FCRL3: variants seen among roughly 807,000 people sequenced by gnomAD.
FCRL3 encodes Fc receptor-like protein 3.
A neutral mutation model predicts 75.0 loss-of-function variants in FCRL3; 89 were observed. The ratio of observed to expected loss-of-function variants is 1.19; its 90% confidence interval spans 1.00 to 1.42. The LOEUF (loss-of-function observed/expected upper bound fraction) is 1.42, where lower values mean the gene tolerates loss of function less well. Among genes scored for constraint, FCRL3 ranks in the 40% most tolerant of loss-of-function variants. FCRL3 has a pLI of 0.00. For missense variants in FCRL3, 946 were observed against 880.0 expected (o/e 1.07, Z -0.95); for synonymous variants, 376 against 348.5 (o/e 1.08, Z -0.88).
rs1654525899 is a variant in FCRL3, at chr1:157,677,367, T to C, written c.*1343A>G. The C allele has an allele frequency of 1.0e-6, 1 of 985,850 alleles. No individual in the cohort carries two copies. The highest frequency in any genetic ancestry group is 1.2e-6 in the Non-Finnish European group (1 of 830,316). 61.1% of individuals were successfully genotyped at this position (985,850 alleles called of 1,614,324 possible). A position where few individuals can be genotyped will look rare whatever the true frequency, so the allele number is the denominator to read the frequency against. On this transcript the variant is annotated 3_prime_UTR_variant, in exon 15 of 15. Transcript: ENST00000368184. ...AAATATTGATTAGAGGAAGATGTGG[T>C]GCTTTGAAAGGGACTTGGTGTTCCT... is the stretch of plus-strand genomic sequence containing the variant.
At chr1:157,688,625 A>G (rs533881286) in intron 10 of FCRL3, among the ~76,000 whole-genome samples, 225 of 152,144 alleles carry the variant, frequency 1.5e-3, no homozygotes, top group African/African-American at 4.7e-3. Context: ...AAAAAAAAAA[A>G]AAGGTCCTTC....
intron 2 of FCRL3, among the ~76,000 whole-genome samples, chr1:157,700,225 T>TC (rs768153551): frequency 6.6e-5 from 10 of 152,182 alleles, no homozygotes; most frequent in Non-Finnish European, 1.5e-4. Flanking sequence ...AATCCAAGTT[T>TC]CCTATGAGGT....
At chr1:157,700,932 C>T (rs1656278684), upstream of FCRL3, 1 of 195,450 alleles carries the variant, frequency 5.1e-6, no homozygotes, top group Non-Finnish European at 1.0e-5. Context: ...TGGTGTGAAT[C>T]ACACAGTCAA....
chr1:157,683,188 G>A (rs1557822735), intron 11 of FCRL3, 29 bp downstream of exon 11: 2 of 1,604,750 alleles, frequency 1.2e-6, no homozygotes, highest in Non-Finnish European at 1.7e-6. Flanking sequence ...TCATGAAAAT[G>A]TTGGCAGCAC....
intron 13 of FCRL3, 27 bp from the exon 14 acceptor site, chr1:157,679,000 G>A: frequency 3.1e-6 from 5 of 1,613,564 alleles, no homozygotes; most frequent in Non-Finnish European, 3.4e-6. Context: ...GCAAAGAAAA[G>A]TATTAAACTG....
Position 157,676,716 on chromosome 1 carries a change from G to C in FCRL3, c.*1994C>G. 6.5e-7 allele frequency: 1 copy of C among 1,550,356 alleles called. No individual in the cohort carries two copies. Among genetic ancestry groups the C allele is most frequent in the Non-Finnish European group, 8.7e-7 (1 of 1,146,830 alleles). The stretch of plus-strand genomic sequence containing the variant: ...CATACTCTGATTTGCACAGGGCTAA[G>C]TGTTACAAAGACATGGAAAATCTTG... On this transcript the variant is annotated 3_prime_UTR_variant, in exon 15 of 15. Transcript: ENST00000368184.
At position 157,680,700 on chromosome 1, in the gene FCRL3, A is replaced by G. The variant is rs1445100347; in HGVS notation, c.2026+2T>C. 8.7e-6 allele frequency: 14 copies of G among 1,613,826 alleles called. No homozygotes were observed. Among genetic ancestry groups the G allele is most frequent in the Non-Finnish European group, 1.2e-5 (14 of 1,179,772 alleles). On this transcript the variant is annotated splice_donor_variant, in intron 13 of 14. Transcript: ENST00000368184. LOFTEE classifies it high-confidence loss of function. ...CCTCTATTTGCCTGAAAGGCATCTT[A>G]CCTGAGTTTTCTTTTGTATGCTGGA...
chr1:157,690,018 T>C, intron 9 of FCRL3, 101 bp from the exon 10 acceptor site: 1 of 1,520,238 alleles, frequency 6.6e-7, no homozygotes, highest in East Asian at 2.3e-5. Context: ...TGATTCCTCC[T>C]GTAGCATCAT....
In FCRL3 at chr1:157,690,391, C is replaced by T. The variant is rs1655440764; in HGVS notation, c.1554G>A (p.Gly518=). Reference sequence around the variant, plus strand: ...CTCCTCCAGAGTGGGCCGAGATGTTCCCCAAGGTGTCATCCTCGTGATAAA... The same window carrying T: ...CTCCTCCAGAGTGGGCCGAGATGTTTCCCAAGGTGTCATCCTCGTGATAAA... ...YWFYHEDDTL[G]NISAHSGGGA... The change falls in exon 9 of 15, where the codon GGG becomes GGA. Residue 518 remains glycine, a synonymous_variant. Coordinates refer to ENST00000368184, the MANE Select transcript of FCRL3 (RefSeq NM_052939.4). 3 of 1,614,170 alleles carry T rather than the reference C, an allele frequency of 1.9e-6. No individual in the cohort carries two copies. The highest frequency in any genetic ancestry group is 1.7e-6 in the Non-Finnish European group (2 of 1,180,034).
chr1:157,698,963 A>G (rs1656141790), intron 3 of FCRL3, among the ~76,000 whole-genome samples: 1 of 152,216 alleles, frequency 6.6e-6, no homozygotes, highest in African/African-American at 2.4e-5. Context: ...TGTCCTATAC[A>G]TTTCTGTCCA....
intron 7 of FCRL3, 155 bp downstream of exon 7, chr1:157,695,885 A>ATC (rs150874591): frequency 5.2e-4 from 220 of 420,030 alleles, no homozygotes; most frequent in Admixed American, 1.2e-3. Context: ...GCTTTTAAAT[A>ATC]TCTCTCTCTC....
chr1:157,676,642 T>C lies in FCRL3; in HGVS notation c.*2068A>G. 7.2e-7 allele frequency: 1 copy of C among 1,395,588 alleles called. No individual in the cohort carries two copies. Among genetic ancestry groups the C allele is most frequent in the East Asian group, 2.5e-5 (1 of 40,006 alleles). 86.5% of individuals were successfully genotyped at this position (1,395,588 alleles called of 1,614,324 possible). On this transcript the variant is annotated 3_prime_UTR_variant, in exon 15 of 15. Transcript: ENST00000368184. ...AGGGCAATCAATCAGAATTTGCACA[T>C]TTGTTATATCCGAGATGTACAGTTA...
At chr1:157,684,128 G>A (rs1415571809) in intron 10 of FCRL3, among the ~76,000 whole-genome samples, 2 of 152,088 alleles carry the variant, frequency 1.3e-5, no homozygotes, top group Non-Finnish European at 2.9e-5. Context: ...TTTCTAAAAG[G>A]AGATTGCCTG....
chr1:157,690,542 G>A lies in FCRL3; in HGVS notation c.1412-9C>T, dbSNP rs946275253. The A allele has an allele frequency of 3.1e-6, 5 of 1,611,790 alleles. No homozygotes were observed. Among genetic ancestry groups the A allele is most frequent in the Non-Finnish European group, 4.2e-6 (5 of 1,179,020 alleles). ...GGGGCGAGACACCGGAACTGAGGGA[G>A]GAAAAATAGTTCACTGGCAGTTTTA... On this transcript the variant is annotated splice_polypyrimidine_tract_variant and intron_variant, in intron 8 of 14. Transcript: ENST00000368184.
Position 157,678,416 on chromosome 1 carries a change from C to G in FCRL3, c.*294G>C. On this transcript the variant is annotated 3_prime_UTR_variant, in exon 15 of 15. Coordinates refer to ENST00000368184, the MANE Select transcript of FCRL3 (RefSeq NM_052939.4). The stretch of plus-strand genomic sequence containing the variant: ...TTGTGCCCTTGTAACCCTGGCTAGA[C>G]CATTTCTCTCTCCTCCTCTATTCGA... The G allele has an allele frequency of 8.1e-7, 1 of 1,236,240 alleles. No homozygotes were observed. Among genetic ancestry groups the G allele is most frequent in the Non-Finnish European group, 1.0e-6 (1 of 981,428 alleles). The allele number at this position is 1,236,240 out of a possible 1,614,324, so 76.6% of individuals were successfully genotyped here.
In FCRL3 at chr1:157,695,497, A is replaced by G; in HGVS notation, c.1243T>C (p.Tyr415His). 1 of 1,614,178 alleles carries G rather than the reference A, an allele frequency of 6.2e-7. No homozygotes were observed. The highest frequency in any genetic ancestry group is 1.1e-5 in the South Asian group (1 of 91,076). The change falls in exon 8 of 15, where the codon TAC becomes CAC. Residue 415 changes from tyrosine (Y) to histidine (H), a missense_variant. Tyr to His is a moderately conservative substitution (Grantham distance 83). Coordinates refer to ENST00000368184, the MANE Select transcript of FCRL3 (RefSeq NM_052939.4). Reference sequence around the variant, plus strand: ...GTGACATCCTCATGATAAAATCGGTACAGGATCGGGGGAGAGCCTCTCAGG... The same window carrying G: ...GTGACATCCTCATGATAAAATCGGTGCAGGATCGGGGGAGAGCCTCTCAGG... Reference protein sequence around the residue: ...ESLRGSPPILYRFYHEDVTLG... With the variant: ...ESLRGSPPILHRFYHEDVTLG...
chr1:157,699,972 G>A (rs933109953), intron 2 of FCRL3, among the ~76,000 whole-genome samples: 6 of 152,134 alleles, frequency 3.9e-5, no homozygotes, highest in Non-Finnish European at 8.8e-5. Flanking sequence ...TGAGTGCAGA[G>A]GCAGACAAGG....
Position 157,697,298 on chromosome 1 carries a change from A to G in FCRL3, c.686T>C (p.Phe229Ser), listed in dbSNP as rs75038928. The G allele has an allele frequency of 6.2e-6, 10 of 1,612,598 alleles. No homozygotes were observed. The highest frequency in any genetic ancestry group is 8.5e-6 in the Non-Finnish European group (10 of 1,179,126). ...RPDVQLQFSLFRDSQTLGLGW... is the reference protein window; with the variant it reads ...RPDVQLQFSLSRDSQTLGLGW... The stretch of plus-strand genomic sequence containing the variant: ...CAATCCGAGGGTCTGGCTATCTCTG[A>G]AGAGGGAGAATTGCAGCTGGACATC... The change falls in exon 6 of 15, where the codon TTC (phenylalanine) becomes TCC (serine). Residue 229 changes from phenylalanine to serine, a missense_variant. Phe to Ser is a radical substitution (Grantham distance 155). Transcript: ENST00000368184.
Position 157,681,037 on chromosome 1 carries a change from T to G in FCRL3, c.1901A>C (p.Glu634Ala). 6.2e-7 allele frequency: 1 copy of G among 1,606,700 alleles called. No individual in the cohort carries two copies. Among genetic ancestry groups the G allele is most frequent in the Non-Finnish European group, 8.5e-7 (1 of 1,177,622 alleles). Reference sequence around the variant, plus strand: ...GGCTAGTGGTTTAGAGTGAGTGGGCTCTTGAGGGTCTATCCTGGAAGGCCT... The same window carrying G: ...GGCTAGTGGTTTAGAGTGAGTGGGCGCTTGAGGGTCTATCCTGGAAGGCCT... ...SSRPSRIDPQ[E>A]PTHSKPLAPM... Residue 634 changes from glutamate to alanine, a missense_variant, in exon 12 of 15, where the codon GAG becomes GCG. Transcript: ENST00000368184.
Sources: gnomAD v4.1 joint callset for allele counts (sites outside exome capture counted in the v4.1 genomes callset) on GRCh38, gnomAD v4.1.1 for gene constraint, MANE v1.5 for transcripts, NCBI Gene and HGNC (gene_info 2026-07-23, HGNC 2026-07-21) for gene names.